The following CFAP299 variants were observed in gnomAD, a reference collection of about 807,000 sequenced individuals.
CFAP299 encodes cilia- and flagella-associated protein 299.
In CFAP299, 21 loss-of-function variants were observed where a neutral mutation model predicts 27.0. The observed-to-expected ratio is 0.78, with a 90% CI of 0.55 to 1.12. CFAP299 has a LOEUF of 1.12. Ranked by LOEUF, CFAP299 falls within the 50% of genes most tolerant of loss-of-function variation. The pLI is 0.00. For synonymous variants in CFAP299, 104 were observed against 98.1 expected (o/e 1.06, Z -0.36); for missense variants, 310 against 276.6 (o/e 1.12, Z -0.86).
intron 5 of CFAP299, among the ~76,000 whole-genome samples, chr4:80,963,031 A>AT (rs1738423353): frequency 2.6e-5 from 4 of 152,082 alleles, no homozygotes; most frequent in Admixed American, 6.6e-5. Flanking sequence ...AGAAAAAAAA[A>AT]GCAGATCAAG....
intron 4 of CFAP299, among the ~76,000 whole-genome samples, chr4:80,940,122 A>G (rs949035369): frequency 4.6e-5 from 7 of 152,142 alleles, no homozygotes; most frequent in Non-Finnish European, 8.8e-5. Flanking sequence ...GGGACACTGC[A>G]GATGAGGTTT....
At chr4:80,515,842 G>A (rs538993520) in intron 2 of CFAP299, among the ~76,000 whole-genome samples, 10 of 152,074 alleles carry the variant, frequency 6.6e-5, no homozygotes, top group Admixed American at 1.3e-4. Flanking sequence ...ATAGCTGGAC[G>A]ACAAATGGAG....
At chr4:80,644,437 A>C (rs542268485) in intron 3 of CFAP299, among the ~76,000 whole-genome samples, 7 of 152,288 alleles carry the variant, frequency 4.6e-5, no homozygotes, top group Admixed American at 1.3e-4. Context: ...GAAACACTCA[A>C]TATGTATTTG....
chr4:80,763,495 G>C (rs1164347865), intron 3 of CFAP299, among the ~76,000 whole-genome samples: 1 of 152,094 alleles, frequency 6.6e-6, no homozygotes. Flanking sequence ...CTCATGTATA[G>C]GAAGAATCAA....
intron 2 of CFAP299, among the ~76,000 whole-genome samples, chr4:80,439,353 C>T (rs939011185): frequency 3.3e-5 from 5 of 152,128 alleles, no homozygotes; most frequent in East Asian, 1.9e-4. Context: ...GTACCAAGCT[C>T]ATCTCATTGG....
chr4:80,621,979 A>G (rs1738627183), intron 3 of CFAP299, among the ~76,000 whole-genome samples: 1 of 152,074 alleles, frequency 6.6e-6, no homozygotes, highest in African/African-American at 2.4e-5. Context: ...AGAGTGATGC[A>G]TTGTGTTGGG....
intron 3 of CFAP299, among the ~76,000 whole-genome samples, chr4:80,835,156 G>A (rs898256145): frequency 3.4e-4 from 51 of 151,866 alleles, no homozygotes; most frequent in African/African-American, 1.1e-3. Context: ...TCGCTCTGTC[G>A]CCCAGGCTGC....
At chr4:80,774,504 C>G (rs1211834965) in intron 3 of CFAP299, among the ~76,000 whole-genome samples, 3 of 151,570 alleles carry the variant, frequency 2.0e-5, no homozygotes, top group Non-Finnish European at 4.4e-5. Flanking sequence ...TCCTTTAAAC[C>G]ACGATTCTTT....
chr4:80,839,998 G>C (rs1477041922), intron 3 of CFAP299, among the ~76,000 whole-genome samples: 1 of 152,134 alleles, frequency 6.6e-6, no homozygotes, highest in Non-Finnish European at 1.5e-5. Context: ...ATTTTGTTGT[G>C]AGTTGCAAAT....
intron 3 of CFAP299, among the ~76,000 whole-genome samples, chr4:80,666,613 T>C (rs1345585503): frequency 6.6e-6 from 1 of 152,212 alleles, no homozygotes; most frequent in Non-Finnish European, 1.5e-5. Context: ...AAATTTAGCT[T>C]TTCAATACCT....
rs142240491 is a variant in CFAP299, at chr4:80,464,087, AT to A, written c.242+101213del. On this transcript the variant is annotated intron_variant, in intron 2 of 5. Transcript: ENST00000358105. ...AACTCATTTTGACTTTATTTTGTAA[AT>A]TTTTTTTTTAAATGCACTCTCCAAT... Among the ~76,000 whole-genome samples, 793 of 150,872 alleles carry A rather than the reference AT, an allele frequency of 5.3e-3. 3 individuals carry two copies. The highest frequency in any genetic ancestry group is 7.5e-3 in the Non-Finnish European group (508 of 67,578).
At chr4:80,629,150 TCATTTG>T (rs764659621) in intron 3 of CFAP299, among the ~76,000 whole-genome samples, 7 of 152,168 alleles carry the variant, frequency 4.6e-5, no homozygotes, top group Non-Finnish European at 8.8e-5. Context: ...GGAAATCCTG[TCATTTG>T]CAACAACATG....
intron 3 of CFAP299, among the ~76,000 whole-genome samples, chr4:80,753,695 G>A (rs2110072668): frequency 6.6e-6 from 1 of 151,836 alleles, no homozygotes; most frequent in South Asian, 2.1e-4. Flanking sequence ...CCTCCTCTTT[G>A]CTCTTCAGTT....
chr4:80,724,279 G>A lies in CFAP299; in HGVS notation c.333+141096G>A, dbSNP rs75330049. ...TTAAAATGAATGAATGTAGCAGAACGGCATGTGTCAGAAGCAAACTGGGCA... is the reference window on the plus strand; with the variant it reads ...TTAAAATGAATGAATGTAGCAGAACAGCATGTGTCAGAAGCAAACTGGGCA... On this transcript the variant is annotated intron_variant, in intron 3 of 5. Coordinates refer to ENST00000358105, the MANE Select transcript of CFAP299 (RefSeq NM_152770.3). Among the ~76,000 whole-genome samples, 433 of 152,054 alleles carry A rather than the reference G, an allele frequency of 2.8e-3. 5 individuals are homozygous for A. The highest frequency in any genetic ancestry group is 9.3e-3 in the African/African-American group (384 of 41,492).
chr4:80,616,522 AAACT>A (rs955459975), intron 3 of CFAP299, among the ~76,000 whole-genome samples: 2 of 152,034 alleles, frequency 1.3e-5, no homozygotes, highest in Non-Finnish European at 2.9e-5. Flanking sequence ...GAAAAAAAAC[AAACT>A]GAGTGAGGAA....
At chr4:80,814,752 G>A (rs1165353527) in intron 3 of CFAP299, among the ~76,000 whole-genome samples, 2 of 151,258 alleles carry the variant, frequency 1.3e-5, no homozygotes, top group Non-Finnish European at 1.5e-5. Context: ...AAAAACTCCC[G>A]AGTGAATATT....
At chr4:80,683,193 T>C (rs920959463) in intron 3 of CFAP299, among the ~76,000 whole-genome samples, 2 of 152,200 alleles carry the variant, frequency 1.3e-5, no homozygotes, top group African/African-American at 4.8e-5. Flanking sequence ...AATGTAAATG[T>C]GAATTCTTTA....
chr4:80,916,293 A>ATATG (rs1735760867), intron 4 of CFAP299, among the ~76,000 whole-genome samples: 1 of 126,646 alleles, frequency 7.9e-6, no homozygotes, highest in Non-Finnish European at 1.6e-5. Flanking sequence ...ATATATATAT[A>ATATG]TATTTCAGGT....
rs1436377218 is a variant in CFAP299 at position 80,701,599 on chromosome 4, C to T, written c.333+118416C>T. 2.0e-5 allele frequency among the ~76,000 whole-genome samples: 3 copies of T among 152,020 alleles called. No homozygotes were observed. In the East Asian group the frequency reaches 5.8e-4, roughly 29 times the overall value. Reference sequence around the variant, plus strand: ...GAAATCCAGTGAGATTTACTGGTGTCTCTATTATTTTTCCCACAAAAGTTT... The same window carrying T: ...GAAATCCAGTGAGATTTACTGGTGTTTCTATTATTTTTCCCACAAAAGTTT... On this transcript the variant is annotated intron_variant, in intron 3 of 5. Transcript: ENST00000358105.
Sources: allele counts gnomAD v4.1 joint callset (sites outside exome capture counted in the v4.1 genomes callset), GRCh38; gene constraint gnomAD v4.1.1; transcripts MANE v1.5; gene names NCBI Gene and HGNC (gene_info 2026-07-23, HGNC 2026-07-21).